COP1: variants seen among roughly 807,000 people sequenced by gnomAD.
COP1 encodes the protein COP1 E3 ubiquitin ligase.
In COP1, 24 loss-of-function variants were observed where a neutral mutation model predicts 101.3. The ratio of observed to expected loss-of-function variants is 0.24; its 90% confidence interval spans 0.17 to 0.33. COP1 has a LOEUF of 0.33. Among genes scored for constraint, COP1 ranks in the 10% least tolerant of loss-of-function variants. COP1 has a pLI of 1.00. For missense variants in COP1, 663 were observed against 906.2 expected, an observed-to-expected ratio of 0.73 and a Z score of 3.45; for synonymous variants, 347 against 341.9, an observed-to-expected ratio of 1.01 and a Z score of -0.17.
chr1:176,185,767 G>A (rs539154884), intron 1 of COP1, among the ~76,000 whole-genome samples: 4 of 152,282 alleles, frequency 2.6e-5, no homozygotes, highest in South Asian at 2.1e-4. Flanking sequence ...GATTGTCTCC[G>A]CTGGACTTCA....
At chr1:176,049,960 AAAAC>A (rs1672252652) in intron 11 of COP1, among the ~76,000 whole-genome samples, 1 of 152,252 alleles carries the variant, frequency 6.6e-6, no homozygotes. Flanking sequence ...ATTAAATTCA[AAAAC>A]AAACTTTAAG....
At chr1:175,973,583 C>T (rs1373523101) in intron 18 of COP1, among the ~76,000 whole-genome samples, 2 of 152,108 alleles carry the variant, frequency 1.3e-5, no homozygotes, top group African/African-American at 2.4e-5. Context: ...CTTTGTAAGA[C>T]TTAAGAGTTT....
At chr1:176,184,117 T>C (rs925854108) in intron 2 of COP1, among the ~76,000 whole-genome samples, 1 of 152,102 alleles carries the variant, frequency 6.6e-6, no homozygotes, top group Non-Finnish European at 1.5e-5. Flanking sequence ...ATAAAATATA[T>C]AAATTCGGTA....
At chr1:176,097,692 A>C (rs972267062) in intron 9 of COP1, among the ~76,000 whole-genome samples, 1 of 151,998 alleles carries the variant, frequency 6.6e-6, no homozygotes, top group Non-Finnish European at 1.5e-5. Flanking sequence ...AGCATGGTGA[A>C]ACCCCATCTC....
chr1:176,106,206 T>C (rs921964690), intron 9 of COP1, among the ~76,000 whole-genome samples: 6 of 152,258 alleles, frequency 3.9e-5, no homozygotes, highest in African/African-American at 1.4e-4. Flanking sequence ...AATTTTTGTA[T>C]TTTTTGTAGA....
At chr1:176,006,330 A>G (rs1270025164) in intron 15 of COP1, among the ~76,000 whole-genome samples, 4 of 151,964 alleles carry the variant, frequency 2.6e-5, no homozygotes, top group Admixed American at 6.6e-5. Context: ...TTTTCATTGG[A>G]GCATTTAGTC....
At chr1:175,976,085 C>A (rs2148647040) in intron 18 of COP1, among the ~76,000 whole-genome samples, 1 of 150,612 alleles carries the variant, frequency 6.6e-6, no homozygotes, top group South Asian at 2.1e-4. Flanking sequence ...AGGTCTCAAT[C>A]CTTTACAAAA....
At chr1:176,078,666 G>A (rs898123700) in intron 11 of COP1, among the ~76,000 whole-genome samples, 5 of 149,808 alleles carry the variant, frequency 3.3e-5, no homozygotes, top group Non-Finnish European at 7.4e-5. Flanking sequence ...AAATTAAAGA[G>A]CTTCTGCATA....
chr1:176,122,518 A>T (rs1010536997), intron 8 of COP1, among the ~76,000 whole-genome samples: 1 of 152,200 alleles, frequency 6.6e-6, no homozygotes, highest in Non-Finnish European at 1.5e-5. Flanking sequence ...ACTAGGCCAC[A>T]GAGTACTTAT....
At chr1:176,162,053 G>T (rs1694414602) in intron 5 of COP1, among the ~76,000 whole-genome samples, 1 of 152,162 alleles carries the variant, frequency 6.6e-6, no homozygotes, top group African/African-American at 2.4e-5. Flanking sequence ...TACAAGAAAA[G>T]AAAATCAGAG....
chr1:175,969,994 T>C (rs1253397161), intron 18 of COP1, among the ~76,000 whole-genome samples: 1 of 152,152 alleles, frequency 6.6e-6, no homozygotes, highest in Non-Finnish European at 1.5e-5. Context: ...AAGTAGGCTC[T>C]CTGGGTTAGG....
intron 9 of COP1, among the ~76,000 whole-genome samples, chr1:176,110,533 T>C (rs947170346): frequency 1.7e-4 from 26 of 152,220 alleles, no homozygotes; most frequent in African/African-American, 6.0e-4. Context: ...ACTTTTGCTA[T>C]AAATATCTTA....
At position 176,206,857 on chromosome 1, in the gene COP1, GC is replaced by G; in HGVS notation, c.121del (p.Ala41ArgfsTer59). The G allele has an allele frequency of 7.0e-7, 1 of 1,434,614 alleles. No homozygotes were observed. The highest frequency in any genetic ancestry group is 9.1e-7 in the Non-Finnish European group (1 of 1,099,288). The allele number at this position is 1,434,614 out of a possible 1,614,324, so 88.9% of individuals were successfully genotyped here. On this transcript the variant is annotated frameshift_variant, in exon 1 of 20. Coordinates refer to ENST00000367669, the MANE Select transcript of COP1 (RefSeq NM_022457.7). LOFTEE classifies it high-confidence loss of function. ...GGACACCAGCGCTGCCGCCGAAACC[GC>G]CACGGAAGGCGGCGACGGGGAAGAG... ...LSSSPSPPSV[A>X]VSAAALVSGG...
intron 8 of COP1, among the ~76,000 whole-genome samples, chr1:176,118,944 T>G (rs1333451246): frequency 3.3e-5 from 5 of 152,006 alleles, no homozygotes; most frequent in Admixed American, 2.6e-4. Flanking sequence ...AATAAAGAAA[T>G]AAAGTTAGAT....
chr1:176,041,400 T>A (rs932314832), intron 14 of COP1, among the ~76,000 whole-genome samples: 5 of 150,042 alleles, frequency 3.3e-5, no homozygotes, highest in Non-Finnish European at 7.4e-5. Flanking sequence ...CAGGCTGTAG[T>A]GCAATGGCGA....
chr1:176,082,258 T>C (rs1679287103), intron 10 of COP1, among the ~76,000 whole-genome samples: 2 of 152,340 alleles, frequency 1.3e-5, no homozygotes, highest in African/African-American at 4.8e-5. Flanking sequence ...TGTATTTTCA[T>C]AGCTTCTTTA....
chr1:176,177,485 C>T (rs646754), intron 2 of COP1, among the ~76,000 whole-genome samples: 142,973 of 152,168 alleles, frequency 0.94, 67,605 homozygotes, highest in East Asian at 1. Flanking sequence ...AAATAAACCA[C>T]AAAAGACAAT....
chr1:176,080,342 C>T (rs1275449227), intron 11 of COP1, among the ~76,000 whole-genome samples: 1 of 151,970 alleles, frequency 6.6e-6, no homozygotes, highest in South Asian at 2.1e-4. Flanking sequence ...ACTAAAGGAC[C>T]TCAATTTTTA....
chr1:176,149,706 ATAAGCCTTGAC>A (rs1314705230), intron 5 of COP1, among the ~76,000 whole-genome samples: 2 of 152,146 alleles, frequency 1.3e-5, no homozygotes, highest in African/African-American at 4.8e-5. Context: ...TGAAAGTATA[ATAAGCCTTGAC>A]ATTTTCTGAG....
Sources: allele counts gnomAD v4.1 joint callset (sites outside exome capture counted in the v4.1 genomes callset), GRCh38; gene constraint gnomAD v4.1.1; transcripts MANE v1.5; gene names NCBI Gene and HGNC (gene_info 2026-07-23, HGNC 2026-07-21).